PTPRT: variants seen among roughly 807,000 people sequenced by gnomAD.
PTPRT encodes protein tyrosine phosphatase receptor type T.
In PTPRT, 56 loss-of-function variants were observed where a neutral mutation model predicts 176.8. That is an observed-to-expected ratio of 0.32 (90% CI 0.26 to 0.40). The LOEUF is 0.40. Among genes scored for constraint, PTPRT ranks in the 10% least tolerant of loss-of-function variants. The pLI, the probability that PTPRT is intolerant of heterozygous loss-of-function variation, is 1.00. For synonymous variants in PTPRT, 783 were observed against 739.0 expected (o/e 1.06, Z -0.96); for missense variants, 1,540 against 1,908.2 (o/e 0.81, Z 3.60).
At chr20:43,031,819 C>T (rs1460413478) in intron 1 of PTPRT, among the ~76,000 whole-genome samples, 3 of 152,208 alleles carry the variant, frequency 2.0e-5, no homozygotes, top group African/African-American at 7.2e-5. Flanking sequence ...AATGCCCTTT[C>T]ATGGGTTCTC....
intron 1 of PTPRT, among the ~76,000 whole-genome samples, chr20:43,187,470 C>T (rs2015423376): frequency 6.6e-6 from 1 of 150,808 alleles, no homozygotes; most frequent in South Asian, 2.1e-4. Flanking sequence ...CATGAGGAAC[C>T]CTGGGGAAAA....
chr20:42,526,624 T>C (rs1438283753), intron 7 of PTPRT, among the ~76,000 whole-genome samples: 1 of 152,178 alleles, frequency 6.6e-6, no homozygotes, highest in Non-Finnish European at 1.5e-5. Flanking sequence ...CAAGTGTTCT[T>C]TTTTTAACTT....
In PTPRT at chr20:42,954,070, G is replaced by A. The variant is rs1452791251; in HGVS notation, c.89-68138C>T. Among the ~76,000 whole-genome samples the A allele has an allele frequency of 7.9e-5, 12 of 152,220 alleles. No individual in the cohort carries two copies. The South Asian group carries it at 1.0e-3, about 13-fold the overall frequency. On this transcript the variant is annotated intron_variant, in intron 1 of 30. Transcript: ENST00000373187. ...GGACTCTAAGACCTCCCGTGGGATGGCTGACCCTGGTATAGTCACCTGAGC... is the reference window on the plus strand; with the variant it reads ...GGACTCTAAGACCTCCCGTGGGATGACTGACCCTGGTATAGTCACCTGAGC...
intron 6 of PTPRT, among the ~76,000 whole-genome samples, chr20:42,742,836 T>C (rs1325161821): frequency 6.6e-6 from 1 of 152,154 alleles, no homozygotes; most frequent in Non-Finnish European, 1.5e-5. Context: ...ATGGAGAAAC[T>C]GAGGCTCAGT....
chr20:42,795,321 C>T (rs1045151205), intron 2 of PTPRT, among the ~76,000 whole-genome samples: 14 of 152,078 alleles, frequency 9.2e-5, no homozygotes, highest in African/African-American at 3.4e-4. Context: ...TGCATTTTTC[C>T]CCTTCGTGCA....
intron 14 of PTPRT, among the ~76,000 whole-genome samples, chr20:42,239,550 G>T (rs894792227): frequency 1.3e-5 from 2 of 150,702 alleles, no homozygotes; most frequent in Middle Eastern, 6.8e-3. Flanking sequence ...AGCCTCCTGA[G>T]TAGCTGGGAC....
chr20:42,442,960 A>G (rs2059330938), intron 9 of PTPRT, among the ~76,000 whole-genome samples: 1 of 152,176 alleles, frequency 6.6e-6, no homozygotes. Context: ...GAGAGAGGCC[A>G]CACCACCCTT....
At chr20:42,716,468 T>C (rs1259225478) in intron 6 of PTPRT, among the ~76,000 whole-genome samples, 1 of 152,226 alleles carries the variant, frequency 6.6e-6, no homozygotes, top group African/African-American at 2.4e-5. Flanking sequence ...TGGTATCTCA[T>C]TGTGGCTTTG....
chr20:42,123,872 A>G (rs1373174253), intron 19 of PTPRT, among the ~76,000 whole-genome samples: 1 of 152,160 alleles, frequency 6.6e-6, no homozygotes, highest in African/African-American at 2.4e-5. Flanking sequence ...TAGATAACCT[A>G]TCACCAAATA....
At chr20:42,998,812 A>G (rs945995346) in intron 1 of PTPRT, among the ~76,000 whole-genome samples, 6 of 152,178 alleles carry the variant, frequency 3.9e-5, no homozygotes, top group Non-Finnish European at 8.8e-5. Context: ...AGACCGAGTG[A>G]CTTGCCCACT....
chr20:42,644,790 T>C (rs2074849904), intron 7 of PTPRT, among the ~76,000 whole-genome samples: 1 of 152,152 alleles, frequency 6.6e-6, no homozygotes, highest in South Asian at 2.1e-4. Context: ...GATCAGCAAT[T>C]CATTTACATT....
chr20:42,181,717 G>A (rs944791834), intron 16 of PTPRT, among the ~76,000 whole-genome samples: 1 of 152,154 alleles, frequency 6.6e-6, no homozygotes, highest in Non-Finnish European at 1.5e-5. Flanking sequence ...CGTATTCATA[G>A]GCCAAGCACC....
intron 22 of PTPRT, 24 bp downstream of exon 22, chr20:42,115,175 G>T (rs1008339454): frequency 3.2e-6 from 5 of 1,556,178 alleles, no homozygotes; most frequent in Non-Finnish European, 4.4e-6. Context: ...TGGACCGGCT[G>T]CCCACAGCCT....
chr20:43,041,583 T>A (rs1444953116), intron 1 of PTPRT, among the ~76,000 whole-genome samples: 1 of 152,206 alleles, frequency 6.6e-6, no homozygotes. Context: ...ACGTGCCACC[T>A]ACTTCCCTTA....
intron 7 of PTPRT, among the ~76,000 whole-genome samples, chr20:42,572,608 C>T (rs1374110076): frequency 6.6e-6 from 1 of 152,248 alleles, no homozygotes; most frequent in Non-Finnish European, 1.5e-5. Context: ...CTTCACCTCT[C>T]AGGCAAGGTC....
intron 7 of PTPRT, among the ~76,000 whole-genome samples, chr20:42,475,632 C>A (rs547228961): frequency 6.6e-5 from 10 of 152,262 alleles, no homozygotes; most frequent in Admixed American, 3.9e-4. Context: ...AGCCAAAATA[C>A]TACAAGGCAA....
chr20:42,381,099 C>T (rs941890522), intron 9 of PTPRT, among the ~76,000 whole-genome samples: 7 of 152,256 alleles, frequency 4.6e-5, no homozygotes, highest in African/African-American at 1.2e-4. Context: ...TGGTGTTAAA[C>T]GATGAGAAAC....
intron 2 of PTPRT, among the ~76,000 whole-genome samples, chr20:42,814,955 G>C (rs1345916163): frequency 6.6e-6 from 1 of 152,060 alleles, no homozygotes; most frequent in Non-Finnish European, 1.5e-5. Context: ...GAACAAGCTA[G>C]ACCAAATGCT....
At chr20:42,973,591 T>C (rs1276034571) in intron 1 of PTPRT, among the ~76,000 whole-genome samples, 1 of 152,114 alleles carries the variant, frequency 6.6e-6, no homozygotes, top group Non-Finnish European at 1.5e-5. Context: ...TCAGCCCCTT[T>C]TCCCACAGTG....
Sources: allele counts gnomAD v4.1 joint callset (sites outside exome capture counted in the v4.1 genomes callset), GRCh38; gene constraint gnomAD v4.1.1; transcripts MANE v1.5; gene names NCBI Gene and HGNC (gene_info 2026-07-23, HGNC 2026-07-21).